BMERB1: variants seen among roughly 807,000 people sequenced by gnomAD.
The protein encoded by BMERB1 is bMERB domain containing 1.
BMERB1 carries 12 observed loss-of-function variants against 23.6 expected under a neutral mutation model. That is an observed-to-expected ratio of 0.51 (90% CI 0.33 to 0.82). BMERB1 has a LOEUF of 0.82. Among genes scored for constraint, BMERB1 ranks in the 40% least tolerant of loss-of-function variants. The pLI is 0.03. For synonymous variants in BMERB1, 122 were observed against 96.6 expected (o/e 1.26, Z -1.54); for missense variants, 247 against 255.4 (o/e 0.97, Z 0.22).
chr16:15,479,970 T>G (rs1781965854), intron 1 of BMERB1, among the ~76,000 whole-genome samples: 1 of 148,236 alleles, frequency 6.7e-6, no homozygotes, highest in African/African-American at 2.5e-5. Flanking sequence ...TTTCTAAAAT[T>G]TCTCAGTTTC....
intron 2 of BMERB1, among the ~76,000 whole-genome samples, chr16:15,557,014 G>A (rs1034841576): frequency 1.2e-4 from 18 of 152,098 alleles, no homozygotes; most frequent in Non-Finnish European, 2.1e-4. Flanking sequence ...TGCCTTTGTC[G>A]TGGTCTCTGC....
At chr16:15,555,609 TC>T (rs1223755855) in intron 2 of BMERB1, among the ~76,000 whole-genome samples, 1 of 151,986 alleles carries the variant, frequency 6.6e-6, no homozygotes, top group Non-Finnish European at 1.5e-5. Flanking sequence ...TGGATGTAAA[TC>T]CACAGTCCAT....
intron 2 of BMERB1, among the ~76,000 whole-genome samples, chr16:15,541,998 A>T (rs1225085560): frequency 1.4e-5 from 2 of 147,642 alleles, no homozygotes; most frequent in Non-Finnish European, 1.5e-5. Context: ...CTCCTGGCTC[A>T]GCCACCTGAG....
chr16:15,514,058 G>T (rs760621002), intron 1 of BMERB1, among the ~76,000 whole-genome samples: 6 of 151,852 alleles, frequency 4.0e-5, no homozygotes, highest in Non-Finnish European at 7.4e-5. Context: ...ATCGCCTGAG[G>T]CCAGGAGTTT....
At chr16:15,515,495 T>C (rs1412924225) in intron 2 of BMERB1, 67 bp downstream of exon 2, 1 of 1,557,914 alleles carries the variant, frequency 6.4e-7, no homozygotes, top group African/African-American at 1.4e-5. Flanking sequence ...CTAATATTTG[T>C]TGATCGTCTA....
chr16:15,466,257 G>C (rs1412452874), intron 1 of BMERB1, among the ~76,000 whole-genome samples: 1 of 152,136 alleles, frequency 6.6e-6, no homozygotes, highest in African/African-American at 2.4e-5. Flanking sequence ...GATCTTTCCA[G>C]ACTGTTAAAA....
chr16:15,524,826 C>T (rs992495928), intron 2 of BMERB1, among the ~76,000 whole-genome samples: 1 of 152,122 alleles, frequency 6.6e-6, no homozygotes, highest in African/African-American at 2.4e-5. Context: ...CTTGCTGCTA[C>T]GAGTTGCCTT....
chr16:15,532,875 T>C, intron 2 of BMERB1: 2 of 398,324 alleles, frequency 5.0e-6, no homozygotes, highest in South Asian at 3.6e-5. Context: ...CTAGATATCC[T>C]GGTCTTGGAT....
chr16:15,518,026 C>G (rs546013948), intron 2 of BMERB1, among the ~76,000 whole-genome samples: 2 of 148,172 alleles, frequency 1.3e-5, no homozygotes, highest in South Asian at 4.4e-4. Context: ...TGGATGTGTG[C>G]GTGTGTGGAT....
intron 1 of BMERB1, among the ~76,000 whole-genome samples, chr16:15,501,591 C>T (rs1181932477): frequency 5.3e-5 from 8 of 152,214 alleles, no homozygotes; most frequent in African/African-American, 1.9e-4. Context: ...TCTCCTGCCT[C>T]AGCGTCCTGA....
intron 1 of BMERB1, among the ~76,000 whole-genome samples, chr16:15,450,557 A>G (rs1226913192): frequency 6.6e-6 from 1 of 151,944 alleles, no homozygotes; most frequent in Non-Finnish European, 1.5e-5. Flanking sequence ...TGCAGCCTCC[A>G]CCTCCTGGGC....
rs151160936 is a variant in BMERB1, at chr16:15,491,367, T to C, written c.107-23938T>C. Among the ~76,000 whole-genome samples the C allele has an allele frequency of 3.8e-3, 573 of 151,950 alleles. 5 individuals are homozygous for C. The highest frequency in any genetic ancestry group is 0.013 in the African/African-American group (528 of 41,446). On this transcript the variant is annotated intron_variant, in intron 1 of 5. Transcript: ENST00000300006. The stretch of plus-strand genomic sequence containing the variant: ...GACTTTTTTTTTTCTTTCTTTCTTT[T>C]TTTCAGACAGAGTTTCCCTCTTGTT...
Position 15,586,744 on chromosome 16 carries a change from C to T in BMERB1, c.530C>T (p.Pro177Leu), listed in dbSNP as rs2031154584. 2 of 1,611,922 alleles carry T rather than the reference C, an allele frequency of 1.2e-6. No homozygotes were observed. The highest frequency in any genetic ancestry group is 2.2e-5 in the East Asian group (1 of 44,778). Residue 177 changes from proline to leucine, a missense_variant, in exon 6 of 6, where the codon CCC (proline) becomes CTC (leucine). Coordinates refer to ENST00000300006, the MANE Select transcript of BMERB1 (RefSeq NM_033201.3). ...ASSRAEKKAE[P>L]PPSKPTVAKT... Reference sequence around the variant, plus strand: ...TCCCGGGCAGAGAAGAAAGCAGAGCCCCCACCTAGCAAGCCCACGGTGGCC... The same window carrying T: ...TCCCGGGCAGAGAAGAAAGCAGAGCTCCCACCTAGCAAGCCCACGGTGGCC...
intron 1 of BMERB1, among the ~76,000 whole-genome samples, chr16:15,455,746 G>A (rs2051082003): frequency 6.6e-6 from 1 of 152,152 alleles, no homozygotes; most frequent in South Asian, 2.1e-4. Flanking sequence ...ACAGGCATGA[G>A]CCACCGCGCC....
intron 1 of BMERB1, among the ~76,000 whole-genome samples, chr16:15,504,422 A>G (rs536565189): frequency 6.6e-6 from 1 of 151,358 alleles, no homozygotes; most frequent in Admixed American, 6.6e-5. Context: ...GGAATTCTTT[A>G]TGCTCTTTGC....
At chr16:15,540,460 A>G (rs2052067802) in intron 2 of BMERB1, among the ~76,000 whole-genome samples, 1 of 152,086 alleles carries the variant, frequency 6.6e-6, no homozygotes, top group African/African-American at 2.4e-5. Flanking sequence ...TGAGAGGTGG[A>G]GGTTGCAGTG....
At chr16:15,496,781 G>A (rs1046301588) in intron 1 of BMERB1, among the ~76,000 whole-genome samples, 1 of 152,078 alleles carries the variant, frequency 6.6e-6, no homozygotes, top group Non-Finnish European at 1.5e-5. Flanking sequence ...CTCGTGATCT[G>A]CCCGCCTCGG....
chr16:15,483,316 A>G (rs902175379), intron 1 of BMERB1, among the ~76,000 whole-genome samples: 15 of 152,180 alleles, frequency 9.9e-5, no homozygotes, highest in Admixed American at 1.3e-4. Flanking sequence ...CTGTGTTTCT[A>G]TGCTCTTCCC....
chr16:15,522,439 A>G (rs937151790), intron 2 of BMERB1, among the ~76,000 whole-genome samples: 1 of 152,092 alleles, frequency 6.6e-6, no homozygotes, highest in Non-Finnish European at 1.5e-5. Flanking sequence ...AACCACACAC[A>G]CACACACACA....
Sources: gnomAD v4.1 joint callset for allele counts (sites outside exome capture counted in the v4.1 genomes callset) on GRCh38, gnomAD v4.1.1 for gene constraint, MANE v1.5 for transcripts, NCBI Gene and HGNC (gene_info 2026-07-23, HGNC 2026-07-21) for gene names.